The following IFT80 variants were observed in gnomAD, a reference collection of about 807,000 sequenced individuals.
IFT80 encodes the protein intraflagellar transport protein 80 homolog.
A neutral mutation model predicts 107.9 loss-of-function variants in IFT80; 79 were observed. The ratio of observed to expected loss-of-function variants is 0.73; its 90% CI spans 0.61 to 0.88. The LOEUF (loss-of-function observed/expected upper bound fraction) is 0.88. Among genes scored for constraint, IFT80 ranks in the 40% least tolerant of loss-of-function variants. IFT80 has a pLI of 0.00. For missense variants in IFT80, 797 were observed against 914.2 expected (o/e 0.87, Z 1.65); for synonymous variants, 299 against 300.9 (o/e 0.99, Z 0.07).
At chr3:160,312,763 T>A in intron 9 of IFT80, among the ~76,000 whole-genome samples, 1 of 37,234 alleles carries the variant, frequency 2.7e-5, no homozygotes, top group Non-Finnish European at 5.0e-5. Context: ...TATATATAAA[T>A]GTATATTATA....
chr3:160,376,667 T>C (rs1237070302), intron 4 of IFT80, among the ~76,000 whole-genome samples: 1 of 152,232 alleles, frequency 6.6e-6, no homozygotes, highest in Non-Finnish European at 1.5e-5. Context: ...GTATAATATC[T>C]GAGGGTACAC....
At position 160,291,953 on chromosome 3, in the gene IFT80, A is replaced by G. The variant is rs377039458; in HGVS notation, c.1316-6085T>C. Among the ~76,000 whole-genome samples the G allele has an allele frequency of 3.9e-5, 6 of 152,334 alleles. No individual in the cohort carries two copies. The East Asian group carries it at 1.2e-3, about 29-fold the overall frequency. ...CTGCAGCAATGCAGAGATGAACTGA[A>G]TCTAGAAATGTTCCTCTCAAACCCT... On this transcript the variant is annotated intron_variant, in intron 12 of 19. Coordinates refer to ENST00000326448, the MANE Select transcript of IFT80 (RefSeq NM_020800.3).
chr3:160,346,964 C>A (rs1451593057), intron 8 of IFT80, among the ~76,000 whole-genome samples: 1 of 152,150 alleles, frequency 6.6e-6, no homozygotes, highest in Non-Finnish European at 1.5e-5. Context: ...TATGTGAGGA[C>A]CCTCCAAAGC....
At chr3:160,330,060 G>A (rs1053719930) in intron 8 of IFT80, among the ~76,000 whole-genome samples, 1 of 152,168 alleles carries the variant, frequency 6.6e-6, no homozygotes, top group African/African-American at 2.4e-5. Context: ...TATTGAATCT[G>A]AATCTCTGGA....
chr3:160,366,269 T>C, intron 5 of IFT80, 117 bp from the exon 6 acceptor site: 1 of 731,712 alleles, frequency 1.4e-6, no homozygotes, highest in Non-Finnish European at 2.4e-6. Flanking sequence ...TCATTTCTTC[T>C]CTTTTCAATG....
chr3:160,322,910 G>A (rs887793603), intron 8 of IFT80, among the ~76,000 whole-genome samples: 3 of 151,626 alleles, frequency 2.0e-5, no homozygotes, highest in Non-Finnish European at 4.4e-5. Context: ...AAATTTGTTT[G>A]AGTTCATTGT....
Position 160,322,306 on chromosome 3 carries a change from A to G in IFT80, c.778-2367T>C, listed in dbSNP as rs1718298047. ...TGGTGTTTGGTTTTTCGTCCTTGCA[A>G]TAGTTTACTGAGAATGATGATTTCC... On this transcript the variant is annotated intron_variant, in intron 8 of 19. Transcript: ENST00000326448. Among the ~76,000 whole-genome samples, 6 of 150,296 alleles carry G rather than the reference A, an allele frequency of 4.0e-5. No homozygotes were observed. The South Asian group carries it at 1.3e-3, about 31-fold the overall frequency.
chr3:160,259,942 T>C (rs1456966270), intron 19 of IFT80, among the ~76,000 whole-genome samples: 1 of 152,210 alleles, frequency 6.6e-6, no homozygotes, highest in African/African-American at 2.4e-5. Context: ...ATGGAATAAG[T>C]AGTATTAAAG....
At chr3:160,311,333 C>A (rs948098255) in intron 9 of IFT80, among the ~76,000 whole-genome samples, 9 of 151,920 alleles carry the variant, frequency 5.9e-5, no homozygotes, top group African/African-American at 1.9e-4. Context: ...GCTTTATTTC[C>A]TGATAAAAAC....
At chr3:160,371,631 T>C (rs967104233) in intron 5 of IFT80, among the ~76,000 whole-genome samples, 1 of 152,064 alleles carries the variant, frequency 6.6e-6, no homozygotes, top group African/African-American at 2.4e-5. Flanking sequence ...TTTGTACAGA[T>C]GGGGTTTTCC....
At chr3:160,377,617 G>T in intron 3 of IFT80, 77 bp from the exon 4 acceptor site, 2 of 746,228 alleles carry the variant, frequency 2.7e-6, no homozygotes, top group South Asian at 1.6e-5. Flanking sequence ...TAAGTAATAG[G>T]CACTAAAGGC....
At chr3:160,288,771 C>G (rs553911426) in intron 12 of IFT80, among the ~76,000 whole-genome samples, 1 of 152,266 alleles carries the variant, frequency 6.6e-6, no homozygotes, top group African/African-American at 2.4e-5. Context: ...CCATCTCACA[C>G]CAGTCAGAAT....
intron 4 of IFT80, among the ~76,000 whole-genome samples, chr3:160,377,225 C>T (rs1301806195): frequency 6.6e-6 from 1 of 152,144 alleles, no homozygotes; most frequent in African/African-American, 2.4e-5. Context: ...CCTTCTTTGA[C>T]AGAACAGTCT....
At chr3:160,343,109 G>A (rs536248305) in intron 8 of IFT80, 2 of 152,208 alleles carry the variant, frequency 1.3e-5, no homozygotes, top group East Asian at 3.9e-4. Context: ...TCATAAAATT[G>A]TACATTCACA....
intron 1 of IFT80, among the ~76,000 whole-genome samples, chr3:160,396,672 T>G (rs1390063846): frequency 1.3e-5 from 2 of 152,192 alleles, no homozygotes; most frequent in Non-Finnish European, 1.5e-5. Context: ...ACTAGGAAGA[T>G]AAGACCCAGT....
At chr3:160,365,433 G>A (rs1721799193) in intron 6 of IFT80, among the ~76,000 whole-genome samples, 1 of 152,086 alleles carries the variant, frequency 6.6e-6, no homozygotes, top group African/African-American at 2.4e-5. Context: ...GCTGTAGCCT[G>A]TCAATGTCTA....
chr3:160,365,966 G>C, intron 6 of IFT80, 77 bp downstream of exon 6: 1 of 1,041,416 alleles, frequency 9.6e-7, no homozygotes, highest in Non-Finnish European at 1.5e-6. Context: ...CCAGAAGAAA[G>C]AGACTCCTAA....
rs572466387 is a variant in IFT80, at chr3:160,391,861, G to A, written c.-46-7215C>T. ...TTAAGTGATAGAGAATAGTTGCATC[G>A]TATTTAAATTACTGTCATCAACAGC... On this transcript the variant is annotated intron_variant, in intron 1 of 19. Coordinates refer to ENST00000326448, the MANE Select transcript of IFT80 (RefSeq NM_020800.3). Among the ~76,000 whole-genome samples the A allele has an allele frequency of 1.3e-4, 20 of 152,292 alleles. No individual in the cohort carries two copies. In the South Asian group the frequency reaches 3.5e-3, roughly 27 times the overall value.
intron 12 of IFT80, among the ~76,000 whole-genome samples, chr3:160,294,372 C>A (rs1715812160): frequency 6.6e-6 from 1 of 152,142 alleles, no homozygotes; most frequent in Non-Finnish European, 1.5e-5. Context: ...AGGGGCGTGC[C>A]ACTATGCCTG....
Sources: gnomAD v4.1 joint callset for allele counts (sites outside exome capture counted in the v4.1 genomes callset) on GRCh38, gnomAD v4.1.1 for gene constraint, MANE v1.5 for transcripts, NCBI Gene and HGNC (gene_info 2026-07-23, HGNC 2026-07-21) for gene names.